Variants in ARRDC3 observed in about 807,000 individuals in gnomAD.
ARRDC3 encodes arrestin domain-containing protein 3.
In ARRDC3, 10 loss-of-function variants were observed where a neutral mutation model predicts 47.2. That is an observed-to-expected ratio of 0.21 (90% CI 0.13 to 0.36). The LOEUF is 0.36. Ranked by LOEUF, ARRDC3 falls within the 10% of genes least tolerant of loss-of-function variation. The pLI is 1.00. For missense variants in ARRDC3, 381 were observed against 503.6 expected, an observed-to-expected ratio of 0.76 and a Z score of 2.33; for synonymous variants, 156 against 178.3, an observed-to-expected ratio of 0.87 and a Z score of 1.00.
chr5:91,383,150 A>T lies in ARRDC3; in HGVS notation c.-58T>A. ...AGACAAAAAAGTCAAGATCGCATAT[A>T]AAATGTGATCTTCACTTAACACTGA... is the stretch of plus-strand genomic sequence containing the variant. On this transcript the variant is annotated 5_prime_UTR_variant, in exon 1 of 8. Coordinates refer to ENST00000265138, the MANE Select transcript of ARRDC3 (RefSeq NM_020801.4). 6.9e-7 allele frequency: 1 copy of T among 1,452,968 alleles called. No individual in the cohort carries two copies. The highest frequency in any genetic ancestry group is 9.3e-7 in the Non-Finnish European group (1 of 1,077,372). The allele number at this position is 1,452,968 out of a possible 1,614,324, so 90.0% of individuals were successfully genotyped here.
intron 7 of ARRDC3, among the ~76,000 whole-genome samples, chr5:91,372,645 T>C (rs1024804830): frequency 4.6e-5 from 7 of 152,088 alleles, no homozygotes; most frequent in Non-Finnish European, 1.0e-4. Context: ...ATTCTGAATA[T>C]TCTATAATCA....
Position 91,371,484 on chromosome 5 carries a change from C to T in ARRDC3, c.1189-28G>A, listed in dbSNP as rs113286541. 2.6e-4 allele frequency: 415 copies of T among 1,582,898 alleles called. 2 individuals are homozygous for T. The African/African-American group carries it at 4.6e-3, about 17-fold the overall frequency. On this transcript the variant is annotated intron_variant, in intron 7 of 7. Coordinates refer to ENST00000265138, the MANE Select transcript of ARRDC3 (RefSeq NM_020801.4). ...AGAAAGAAATGAGAAAAAAAGTTTA[C>T]AGAGTTATTTCATGAGGTCTAGGAA...
chr5:91,375,331 C>A, intron 4 of ARRDC3, 153 bp from the exon 5 acceptor site: 1 of 949,070 alleles, frequency 1.1e-6, no homozygotes, highest in South Asian at 1.8e-5. Flanking sequence ...ATGAACTAAT[C>A]AGTAGCTATT....
chr5:91,371,411 G>A lies in ARRDC3; in HGVS notation c.1234C>T (p.Pro412Ser), dbSNP rs749146319. ...AACCAAGTGTTCCTTCAACGAGAGGGGCAGGATGGTCTATCATCTGCTGAC... is the reference window on the plus strand; with the variant it reads ...AACCAAGTGTTCCTTCAACGAGAGGAGCAGGATGGTCTATCATCTGCTGAC... The part of the protein sequence containing the change: ...DQSADDRPSC[P>S]SR Residue 412 changes from proline to serine, a missense_variant, in exon 8 of 8, where the codon CCC becomes TCC. Physicochemically the swap from Pro to Ser is moderately conservative, Grantham distance 74. Coordinates refer to ENST00000265138, the MANE Select transcript of ARRDC3 (RefSeq NM_020801.4). The A allele has an allele frequency of 6.2e-7, 1 of 1,613,196 alleles. No individual in the cohort carries two copies. The highest frequency in any genetic ancestry group is 1.1e-5 in the South Asian group (1 of 91,032).
Position 91,369,399 on chromosome 5 carries a change from A to G in ARRDC3, c.*2001T>C, listed in dbSNP as rs1267747713. ...AACAATAAAAAAATATTTCACCCCCATTTCCTTATTATCTAGTATTAGTTT... is the reference window on the plus strand; with the variant it reads ...AACAATAAAAAAATATTTCACCCCCGTTTCCTTATTATCTAGTATTAGTTT... On this transcript the variant is annotated 3_prime_UTR_variant, in exon 8 of 8. Transcript: ENST00000265138. The G allele has an allele frequency of 6.6e-6, 1 of 151,570 alleles. No individual in the cohort carries two copies. Among genetic ancestry groups the G allele is most frequent in the Admixed American group, 6.7e-5 (1 of 15,036 alleles). The allele number at this position is 151,570 out of a possible 1,614,324, so 9.4% of individuals were successfully genotyped here. A position where few individuals can be genotyped will look rare whatever the true frequency, so the allele number is the denominator to read the frequency against.
chr5:91,372,730 A>G (rs1799209374), intron 7 of ARRDC3, among the ~76,000 whole-genome samples: 1 of 152,214 alleles, frequency 6.6e-6, no homozygotes. Flanking sequence ...AATAAAAAAA[A>G]AGAGAAATAT....
At position 91,376,762 on chromosome 5, in the gene ARRDC3, G is replaced by T. The variant is rs758996513; in HGVS notation, c.369C>A (p.Leu123=). 6.2e-7 allele frequency: 1 copy of T among 1,613,404 alleles called. No homozygotes were observed. Among genetic ancestry groups the T allele is most frequent in the Non-Finnish European group, 8.5e-7 (1 of 1,179,766 alleles). ...AFSFELPQTP[L]ATSFEGRHGS... Reference sequence around the variant, plus strand: ...CATGTCGGCCTTCGAATGAGGTAGCGAGTGGTCTGTGCAGAATATAAAGGT... The same window carrying T: ...CATGTCGGCCTTCGAATGAGGTAGCTAGTGGTCTGTGCAGAATATAAAGGT... Residue 123 remains leucine (L), a synonymous_variant, in exon 3 of 8, where the codon CTC becomes CTA. Coordinates refer to ENST00000265138, the MANE Select transcript of ARRDC3 (RefSeq NM_020801.4).
Position 91,369,467 on chromosome 5 carries a change from G to A in ARRDC3, c.*1933C>T, listed in dbSNP as rs940449761. ...TCTTTAACCGAATCACTTAAAACGC[G>A]ATTCATTTTTACACTGGGCTTTCTT... On this transcript the variant is annotated 3_prime_UTR_variant, in exon 8 of 8. Transcript: ENST00000265138. The A allele has an allele frequency of 3.3e-5, 5 of 152,100 alleles. No individual in the cohort carries two copies. The highest frequency in any genetic ancestry group is 2.0e-4 in the Admixed American group (3 of 15,136). 9.4% of individuals were successfully genotyped at this position (152,100 alleles called of 1,614,324 possible). A position where few individuals can be genotyped will look rare whatever the true frequency, so the allele number is the denominator to read the frequency against.
rs1799099399 is a variant in ARRDC3, at chr5:91,368,826, A to G, written c.*2574T>C. 1 of 152,664 alleles carries G rather than the reference A, an allele frequency of 6.6e-6. No homozygotes were observed. Among genetic ancestry groups the G allele is most frequent in the African/African-American group, 2.4e-5 (1 of 41,466 alleles). 9.5% of individuals were successfully genotyped at this position (152,664 alleles called of 1,614,324 possible). ...ATATTGTTTTCTTAAAACAGAGCCTACAAGGACATATTCAGCACCAAATAA... is the reference window on the plus strand; with the variant it reads ...ATATTGTTTTCTTAAAACAGAGCCTGCAAGGACATATTCAGCACCAAATAA... On this transcript the variant is annotated 3_prime_UTR_variant, in exon 8 of 8. Transcript: ENST00000265138.
intron 7 of ARRDC3, among the ~76,000 whole-genome samples, chr5:91,373,085 T>C (rs1030932956): frequency 2.6e-5 from 4 of 152,228 alleles, no homozygotes; most frequent in African/African-American, 9.6e-5. Flanking sequence ...AAATGAGCTG[T>C]GCATTTTATC....
At chr5:91,382,682 C>A (rs961573631) in intron 1 of ARRDC3, 131 bp downstream of exon 1, 2 of 1,021,622 alleles carry the variant, frequency 2.0e-6, no homozygotes, top group Non-Finnish European at 2.9e-6. Context: ...AGAATCCAAA[C>A]CTTCCAACTT....
At chr5:91,381,177 T>C (rs543662517) in intron 1 of ARRDC3, among the ~76,000 whole-genome samples, 4 of 149,950 alleles carry the variant, frequency 2.7e-5, no homozygotes, top group Admixed American at 2.6e-4. Flanking sequence ...TATTCCAGAC[T>C]GAGCTCGTCT....
intron 3 of ARRDC3, 35 bp downstream of exon 3, chr5:91,376,585 CA>C: frequency 1.3e-6 from 2 of 1,538,182 alleles, no homozygotes; most frequent in Non-Finnish European, 1.8e-6. Flanking sequence ...ATTTATATGC[CA>C]AAAACAAAGA....
At chr5:91,382,337 A>G (rs1028099416) in intron 1 of ARRDC3, among the ~76,000 whole-genome samples, 1 of 152,378 alleles carries the variant, frequency 6.6e-6, no homozygotes, top group African/African-American at 2.4e-5. Flanking sequence ...TCAATTATTT[A>G]AAGTCTTTTG....
chr5:91,381,359 C>T (rs1799454241), intron 1 of ARRDC3, among the ~76,000 whole-genome samples: 1 of 152,126 alleles, frequency 6.6e-6, no homozygotes, highest in Admixed American at 6.5e-5. Context: ...TTCTTTCATC[C>T]GTTTCATAAA....
intron 2 of ARRDC3, among the ~76,000 whole-genome samples, chr5:91,377,398 T>C (rs1340605876): frequency 6.6e-6 from 1 of 152,104 alleles, no homozygotes; most frequent in African/African-American, 2.4e-5. Flanking sequence ...TCTTGATCTA[T>C]GTCAAGAGAA....
In ARRDC3 at chr5:91,375,134, G is replaced by T; in HGVS notation, c.658C>A (p.Arg220=). Residue 220 remains arginine, a synonymous_variant, in exon 5 of 8, where the codon CGA becomes AGA. Coordinates refer to ENST00000265138, the MANE Select transcript of ARRDC3 (RefSeq NM_020801.4). ...IFAEIENCSS[R]MVVPKAAIYQ... is the part of the protein sequence containing the mutation. ...ATGGCTGCCTTTGGCACCACCATTC[G>T]GGAAGAGCAGTTCTCAATCTCAGCA... 1 of 1,613,882 alleles carries T rather than the reference G, an allele frequency of 6.2e-7. No homozygotes were observed. The highest frequency in any genetic ancestry group is 8.5e-7 in the Non-Finnish European group (1 of 1,179,984).
chr5:91,374,731 A>G (rs973723395), intron 5 of ARRDC3, among the ~76,000 whole-genome samples, 191 bp downstream of exon 5: 4 of 151,352 alleles, frequency 2.6e-5, no homozygotes, highest in Non-Finnish European at 1.5e-5. Context: ...AAAAAATACA[A>G]AAATTATCCA....
In ARRDC3 at chr5:91,369,472, A is replaced by G. The variant is rs1269291077; in HGVS notation, c.*1928T>C. 6.6e-6 allele frequency: 1 copy of G among 152,314 alleles called. No homozygotes were observed. The highest frequency in any genetic ancestry group is 2.4e-5 in the African/African-American group (1 of 41,332). 9.4% of individuals were successfully genotyped at this position (152,314 alleles called of 1,614,324 possible). On this transcript the variant is annotated 3_prime_UTR_variant, in exon 8 of 8. Transcript: ENST00000265138. The stretch of plus-strand genomic sequence containing the variant: ...AACCGAATCACTTAAAACGCGATTC[A>G]TTTTTACACTGGGCTTTCTTCACCC...
Sources: allele counts gnomAD v4.1 joint callset (sites outside exome capture counted in the v4.1 genomes callset), GRCh38; gene constraint gnomAD v4.1.1; transcripts MANE v1.5; gene names NCBI Gene and HGNC (gene_info 2026-07-23, HGNC 2026-07-21).